Variants in ZDHHC21 observed in about 807,000 individuals in gnomAD.
ZDHHC21 encodes zDHHC palmitoyltransferase 21.
A neutral mutation model predicts 34.6 loss-of-function variants in ZDHHC21; 15 were observed. That is an observed-to-expected ratio of 0.43 (90% CI 0.29 to 0.67). The LOEUF (loss-of-function observed/expected upper bound fraction) is 0.67. Among genes scored for constraint, ZDHHC21 ranks in the 30% least tolerant of loss-of-function variants. The pLI, the probability that ZDHHC21 is intolerant of heterozygous loss-of-function variation, is 0.14. For missense variants in ZDHHC21, 344 were observed against 327.7 expected (o/e 1.05, Z -0.38); for synonymous variants, 142 against 101.8 (o/e 1.40, Z -2.38).
the ZDHHC21 span, among the ~76,000 whole-genome samples, chr9:14,600,873 C>T: frequency 1.3e-5 from 2 of 152,140 alleles, no homozygotes; most frequent in Non-Finnish European, 2.9e-5. Context: ...TGTTCTTTGA[C>T]AAATATGACA....
Position 14,654,896 on chromosome 9 carries a change from T to C in ZDHHC21, c.504+3853A>G, listed in dbSNP as rs1431614380. On this transcript the variant is annotated intron_variant, in intron 7 of 9. Transcript: ENST00000380916. ...CAATGAGACTTCACGTACATGTAAG[T>C]AGAATCCCAGAACTGCAGGAGAAAA... is the stretch of plus-strand genomic sequence containing the variant. 5.9e-5 allele frequency among the ~76,000 whole-genome samples: 9 copies of C among 152,034 alleles called. No individual in the cohort carries two copies. The East Asian group carries it at 1.5e-3, about 26-fold the overall frequency.
At chr9:14,669,927 T>A (rs201730319) in intron 5 of ZDHHC21, among the ~76,000 whole-genome samples, 1 of 147,776 alleles carries the variant, frequency 6.8e-6, no homozygotes, top group Non-Finnish European at 1.5e-5. Flanking sequence ...GTGGGTGCAG[T>A]GCACCAGCAT....
chr9:14,643,953 T>C (rs1265603850), intron 7 of ZDHHC21, among the ~76,000 whole-genome samples: 1 of 152,204 alleles, frequency 6.6e-6, no homozygotes, highest in Admixed American at 6.5e-5. Context: ...ATCTTACTCT[T>C]TTGCAAGAAC....
chr9:14,609,058 C>T (rs182433228), downstream of ZDHHC21, among the ~76,000 whole-genome samples: 2 of 150,550 alleles, frequency 1.3e-5, no homozygotes, highest in East Asian at 3.9e-4. Flanking sequence ...AATGTATGTT[C>T]CTCTGCTCCA....
chr9:14,659,527 G>C (rs1035672586), intron 6 of ZDHHC21, among the ~76,000 whole-genome samples: 1 of 152,158 alleles, frequency 6.6e-6, no homozygotes, highest in Non-Finnish European at 1.5e-5. Context: ...GCTAATTTAA[G>C]CTGAATATTT....
chr9:14,657,494 C>G (rs1033923877), intron 7 of ZDHHC21, among the ~76,000 whole-genome samples: 11 of 102,698 alleles, frequency 1.1e-4, no homozygotes, highest in African/African-American at 4.2e-4. Context: ...TTTCCACTAC[C>G]AGAGGCTGGC....
At position 14,611,160 on chromosome 9, in the gene ZDHHC21, A is replaced by G. The variant is rs143924332; in HGVS notation, c.*7806T>C. ...GAGAAGTAAAAATTCCACAATTTAA[A>G]TTAAAAACAATCTGCAAAGAAAATA... On this transcript the variant is annotated 3_prime_UTR_variant, in exon 10 of 10. Coordinates refer to ENST00000380916, the MANE Select transcript of ZDHHC21 (RefSeq NM_178566.6). 3.4e-4 allele frequency: 52 copies of G among 152,196 alleles called. No individual in the cohort carries two copies. The highest frequency in any genetic ancestry group is 1.1e-3 in the African/African-American group (44 of 41,574). The allele number at this position is 152,196 out of a possible 1,614,324, so 9.4% of individuals were successfully genotyped here.
intron 8 of ZDHHC21, among the ~76,000 whole-genome samples, chr9:14,624,879 T>C (rs1825937352): frequency 6.6e-6 from 1 of 152,106 alleles, no homozygotes; most frequent in African/African-American, 2.4e-5. Context: ...ACATTATGTA[T>C]ACAAATATTG....
chr9:14,691,243 T>C (rs1563762136), intron 1 of ZDHHC21, among the ~76,000 whole-genome samples: 1 of 152,122 alleles, frequency 6.6e-6, no homozygotes, highest in Admixed American at 6.6e-5. Flanking sequence ...AATAAACTGC[T>C]CCTTTATTGA....
intron 6 of ZDHHC21, among the ~76,000 whole-genome samples, chr9:14,661,165 C>T (rs1402042287): frequency 1.3e-5 from 2 of 152,110 alleles, no homozygotes; most frequent in African/African-American, 4.8e-5. Flanking sequence ...TAACAAAATG[C>T]TTTTATCGAA....
At chr9:14,683,016 T>A (rs977447650) in intron 2 of ZDHHC21, among the ~76,000 whole-genome samples, 1 of 152,146 alleles carries the variant, frequency 6.6e-6, no homozygotes, top group Non-Finnish European at 1.5e-5. Context: ...TACCAGAATC[T>A]CTGGGACACA....
At chr9:14,595,486 G>C in the ZDHHC21 span, among the ~76,000 whole-genome samples, 7 of 152,256 alleles carry the variant, frequency 4.6e-5, no homozygotes, top group Non-Finnish European at 8.8e-5. Context: ...ATTAGTGGTT[G>C]CCAGAGTCCA....
intron 9 of ZDHHC21, 67 bp downstream of exon 9, chr9:14,619,572 T>C: frequency 8.2e-7 from 1 of 1,213,954 alleles, no homozygotes; most frequent in Non-Finnish European, 1.2e-6. Flanking sequence ...CATATGCACA[T>C]ATTTCTCAAG....
intron 7 of ZDHHC21, among the ~76,000 whole-genome samples, chr9:14,651,063 AGC>A (rs1831156601): frequency 6.6e-6 from 1 of 152,006 alleles, no homozygotes. Context: ...TGACAGTAAT[AGC>A]CACAAATTAT....
intron 8 of ZDHHC21, among the ~76,000 whole-genome samples, chr9:14,628,489 A>G (rs1342276299): frequency 4.6e-5 from 7 of 152,198 alleles, no homozygotes; most frequent in African/African-American, 1.7e-4. Context: ...GTAGGTCTAT[A>G]TTCAAGCTAT....
intron 8 of ZDHHC21, among the ~76,000 whole-genome samples, chr9:14,638,122 T>C: frequency 6.6e-6 from 1 of 152,042 alleles, no homozygotes; most frequent in African/African-American, 2.4e-5. Flanking sequence ...GACTTCAAAG[T>C]ATATTATGAG....
At chr9:14,663,579 T>G (rs1315133757) in intron 5 of ZDHHC21, among the ~76,000 whole-genome samples, 2 of 151,814 alleles carry the variant, frequency 1.3e-5, no homozygotes, top group Non-Finnish European at 2.9e-5. Flanking sequence ...CTGTTTGAAT[T>G]CCATTACTTT....
At chr9:14,622,685 G>C (rs1825509397) in intron 8 of ZDHHC21, 1 of 984,796 alleles carries the variant, frequency 1.0e-6, no homozygotes, top group Non-Finnish European at 1.2e-6. Context: ...AGAGTCCTTT[G>C]GCACACCTGA....
At chr9:14,684,120 C>T (rs572266589) in intron 2 of ZDHHC21, among the ~76,000 whole-genome samples, 3 of 151,966 alleles carry the variant, frequency 2.0e-5, no homozygotes, top group South Asian at 4.2e-4. Context: ...AAACTGGAAG[C>T]ATTCCCTTTG....
Sources: allele counts gnomAD v4.1 joint callset (sites outside exome capture counted in the v4.1 genomes callset), GRCh38; gene constraint gnomAD v4.1.1; transcripts MANE v1.5; gene names NCBI Gene and HGNC (gene_info 2026-07-23, HGNC 2026-07-21).